Variants in ZFYVE1 observed in about 807,000 individuals in gnomAD.
ZFYVE1 encodes the protein zinc finger FYVE-type containing 1, also known as zinc finger FYVE domain-containing protein 1.
ZFYVE1 carries 30 observed loss-of-function variants against 74.4 expected under a neutral mutation model. That is an observed-to-expected ratio of 0.40 (90% CI 0.30 to 0.55). The LOEUF (loss-of-function observed/expected upper bound fraction) is 0.55, where lower values mean the gene tolerates loss of function less well. Ranked by LOEUF, ZFYVE1 falls within the 20% of genes least tolerant of loss-of-function variation. The pLI is 0.42. For synonymous variants in ZFYVE1, 335 were observed against 385.1 expected (o/e 0.87, Z 1.52); for missense variants, 703 against 1,011.6 (o/e 0.69, Z 4.14).
At chr14:73,026,070 C>A (rs1441672794) in intron 1 of ZFYVE1, among the ~76,000 whole-genome samples, 1 of 147,922 alleles carries the variant, frequency 6.8e-6, no homozygotes, top group East Asian at 2.0e-4. Context: ...ACAATAGTAA[C>A]AATTTCATCT....
At chr14:73,009,507 A>G (rs1226449973) in intron 2 of ZFYVE1, among the ~76,000 whole-genome samples, 1 of 152,236 alleles carries the variant, frequency 6.6e-6, no homozygotes, top group Non-Finnish European at 1.5e-5. Flanking sequence ...CTGTAATCTC[A>G]GCACTATGGG....
Position 72,998,256 on chromosome 14 carries a change from T to A in ZFYVE1, c.543A>T (p.Lys181Asn), listed in dbSNP as rs747601565. 1.2e-6 allele frequency: 2 copies of A among 1,610,542 alleles called. No homozygotes were observed. Among genetic ancestry groups the A allele is most frequent in the Non-Finnish European group, 1.7e-6 (2 of 1,178,552 alleles). ...KLDCKPDQHL[K>N]VVSIFGNTGD... ...CAGTATTTCCAAAAATGGAAACCAC[T>A]TTCAGATGCTGATCAGGTTTGCAGT... The change falls in exon 3 of 12, where the codon AAA becomes AAT. Residue 181 changes from lysine to asparagine, a missense_variant. Physicochemically the swap from Lys to Asn is moderately conservative, Grantham distance 94 (BLOSUM62 0). Coordinates refer to ENST00000556143, the MANE Select transcript of ZFYVE1 (RefSeq NM_021260.4).
intron 2 of ZFYVE1, among the ~76,000 whole-genome samples, chr14:73,004,269 C>T (rs1199542413): frequency 1.3e-5 from 2 of 152,096 alleles, no homozygotes; most frequent in Non-Finnish European, 2.9e-5. Context: ...CTCCACCAGG[C>T]CTGGTATGGA....
intron 2 of ZFYVE1, among the ~76,000 whole-genome samples, chr14:73,010,766 T>G (rs1894073002): frequency 1.8e-5 from 1 of 56,234 alleles, no homozygotes; most frequent in Non-Finnish European, 3.3e-5. Context: ...CAAGACTCCA[T>G]CTAAAAAAAA....
intron 2 of ZFYVE1, among the ~76,000 whole-genome samples, chr14:73,005,522 T>G (rs767665061): frequency 2.7e-4 from 41 of 152,174 alleles, no homozygotes; most frequent in Non-Finnish European, 1.2e-4. Flanking sequence ...TTCCCCAAGC[T>G]TGCTAGGCCT....
chr14:73,020,039 G>A (rs113877425), intron 2 of ZFYVE1, among the ~76,000 whole-genome samples: 10,644 of 152,060 alleles, frequency 0.07, 529 homozygotes, highest in South Asian at 0.18. Context: ...GGCAGGTCAC[G>A]AGGTCAAGAG....
chr14:72,977,105 A>G (rs1893192098), intron 8 of ZFYVE1, among the ~76,000 whole-genome samples: 1 of 152,188 alleles, frequency 6.6e-6, no homozygotes, highest in Admixed American at 6.5e-5. Context: ...CTGGAATTCA[A>G]AAGTTAAAAA....
At chr14:72,982,655 A>T (rs1417582744) in intron 4 of ZFYVE1, among the ~76,000 whole-genome samples, 1 of 152,232 alleles carries the variant, frequency 6.6e-6, no homozygotes. Context: ...CACTAAGCAC[A>T]TGCTGCTCCA....
intron 5 of ZFYVE1, among the ~76,000 whole-genome samples, chr14:72,980,847 T>C (rs1262374915): frequency 2.0e-5 from 3 of 152,292 alleles, no homozygotes; most frequent in East Asian, 1.9e-4. Context: ...TAAGCCACCG[T>C]GCCCGGCCGA....
At chr14:73,009,144 C>G (rs757695188) in intron 2 of ZFYVE1, among the ~76,000 whole-genome samples, 4 of 152,182 alleles carry the variant, frequency 2.6e-5, no homozygotes, top group Non-Finnish European at 4.4e-5. Flanking sequence ...ACGCTATATC[C>G]TCTGGGGGAG....
At position 72,975,696 on chromosome 14, in the gene ZFYVE1, T is replaced by C. The variant is rs1367494466; in HGVS notation, c.1661A>G (p.Asn554Ser). The change falls in exon 9 of 12, where the codon AAC becomes AGC. Residue 554 changes from asparagine (N) to serine (S), a missense_variant. Asn to Ser is a conservative substitution (Grantham distance 46, BLOSUM62 1). Transcript: ENST00000556143. This position sits in a 1 kb window ranked among gnomAD's most constrained non-coding sequence, Gnocchi z 4.1. ...GTCCAACAGGCGCTGGGCAGCATTG[T>C]TGTTGTCCTTCAGAAACCCATCAGT... is the stretch of plus-strand genomic sequence containing the variant. ...PGTDGFLKDN[N>S]NAAQRLLDGM... 1.9e-6 allele frequency: 3 copies of C among 1,613,990 alleles called. No individual in the cohort carries two copies. The highest frequency in any genetic ancestry group is 3.3e-5 in the Admixed American group (2 of 59,976).
chr14:72,970,910 T>A lies in ZFYVE1; in HGVS notation c.2306A>T (p.Asn769Ile). The A allele has an allele frequency of 1.9e-6, 3 of 1,614,202 alleles. No homozygotes were observed. Among genetic ancestry groups the A allele is most frequent in the South Asian group, 2.2e-5 (2 of 91,080 alleles). The part of the protein sequence containing the change: ...GWDHPVRVCF[N>I]CNKKPGDL ...AAGGTCACCGGGCTTTTTATTGCAG[T>A]TGAAGCAGACTCGGACGGGATGGTC... Residue 769 changes from asparagine (N) to isoleucine (I), a missense_variant, in exon 12 of 12, where the codon AAC (asparagine) becomes ATC (isoleucine). Transcript: ENST00000556143.
At chr14:72,977,587 AAGC>A (rs748939928) in intron 8 of ZFYVE1, among the ~76,000 whole-genome samples, 2 of 152,186 alleles carry the variant, frequency 1.3e-5, no homozygotes, top group Non-Finnish European at 2.9e-5. Context: ...TGAGGAAAAA[AAGC>A]AGGAAAAAGG....
At chr14:72,999,352 G>A (rs941966604) in intron 2 of ZFYVE1, among the ~76,000 whole-genome samples, 6 of 151,920 alleles carry the variant, frequency 3.9e-5, no homozygotes, top group African/African-American at 1.5e-4. Flanking sequence ...ACTTGAACCC[G>A]GGAAGCAGAG....
chr14:72,974,139 A>ACCTT lies in ZFYVE1; in HGVS notation c.2038_2041dup (p.Val681GlufsTer18). 6.2e-7 allele frequency: 1 copy of ACCTT among 1,614,112 alleles called. No individual in the cohort carries two copies. The highest frequency in any genetic ancestry group is 8.5e-7 in the Non-Finnish European group (1 of 1,179,986). The stretch of plus-strand genomic sequence containing the variant: ...CAGAGTGTTCTGCACGGCCTCGCCC[A>ACCTT]CCTTCCGAGCAATGAGCGTTCCACC... On this transcript the variant is annotated frameshift_variant, in exon 11 of 12. Transcript: ENST00000556143. LOFTEE classifies it high-confidence loss of function.
intron 8 of ZFYVE1, among the ~76,000 whole-genome samples, chr14:72,976,513 G>A (rs747108002): frequency 1.3e-5 from 2 of 152,094 alleles, no homozygotes; most frequent in South Asian, 2.1e-4. Flanking sequence ...GGCCGGGTGC[G>A]ATGGCTCACG....
chr14:72,981,906 G>A lies in ZFYVE1; in HGVS notation c.1204-11C>T. On this transcript the variant is annotated splice_polypyrimidine_tract_variant and intron_variant, in intron 4 of 11. Transcript: ENST00000556143. ...GCGGTCACTTAGTGCCTGCCAAGGA[G>A]GGAAGGTGACATATGATGGCACTCA... 1 of 1,613,512 alleles carries A rather than the reference G, an allele frequency of 6.2e-7. No homozygotes were observed. The highest frequency in any genetic ancestry group is 8.5e-7 in the Non-Finnish European group (1 of 1,179,818).
rs370760506 is a variant in ZFYVE1, at chr14:72,981,769, G to A, written c.1310+20C>T. 3.7e-6 allele frequency: 6 copies of A among 1,609,220 alleles called. No homozygotes were observed. The highest frequency in any genetic ancestry group is 5.1e-6 in the Non-Finnish European group (6 of 1,175,872). On this transcript the variant is annotated intron_variant, in intron 5 of 11. Transcript: ENST00000556143. ...ATTCTCAAGGTATGGGGTGGGAGGTGGGGGAGCGGCCTTACTTACCCACAG... is the reference window on the plus strand; with the variant it reads ...ATTCTCAAGGTATGGGGTGGGAGGTAGGGGAGCGGCCTTACTTACCCACAG...
chr14:72,990,722 G>T (rs560745395), intron 4 of ZFYVE1, among the ~76,000 whole-genome samples: 94 of 124,998 alleles, frequency 7.5e-4, no homozygotes, highest in African/African-American at 2.6e-3. Flanking sequence ...TTTTGAGAGG[G>T]AGTCTAGGTC....
Sources: allele counts gnomAD v4.1 joint callset (sites outside exome capture counted in the v4.1 genomes callset), GRCh38; gene constraint gnomAD v4.1.1; non-coding constraint Gnocchi (gnomAD v3.1); transcripts MANE v1.5; gene names NCBI Gene and HGNC (gene_info 2026-07-23, HGNC 2026-07-21).